The following DHRS4 variants were observed in gnomAD, a reference collection of about 807,000 sequenced individuals.
DHRS4 encodes dehydrogenase/reductase SDR family member 4.
DHRS4 carries 20 observed loss-of-function variants against 28.4 expected under a neutral mutation model. The ratio of observed to expected loss-of-function variants is 0.71; its 90% CI spans 0.50 to 1.02. DHRS4 has a LOEUF of 1.02. DHRS4 is among the 50% of genes least tolerant of loss of function. The probability of loss-of-function intolerance (pLI) is 0.00; values close to 1 mark genes in which losing one functional copy is unlikely to be tolerated. For missense variants in DHRS4, 378 were observed against 367.2 expected, an observed-to-expected ratio of 1.03 and a Z score of -0.24; for synonymous variants, 144 against 146.4, an observed-to-expected ratio of 0.98 and a Z score of 0.12.
rs781344264 is a variant in DHRS4 at position 23,967,190 on chromosome 14, A to C, written c.667-21A>C. 1.3e-5 allele frequency: 21 copies of C among 1,602,710 alleles called. 1 individual carries two copies. The African/African-American group carries it at 2.6e-4, about 20-fold the overall frequency. On this transcript the variant is annotated intron_variant, in intron 6 of 7. Transcript: ENST00000313250. ...AGAAAAAGAAAAAAAAAACATAAAG[A>C]GATTTCCCTTCTTCCTGCAGCTCTG... is the stretch of plus-strand genomic sequence containing the variant.
Position 23,959,989 on chromosome 14 carries a change from G to A in DHRS4, c.394G>A (p.Glu132Lys). ...TGGAAGCATAATGGATGTCACTGAG[G>A]AGGTGTGGGACAAGGTGAGAGGGGA... ...FFGSIMDVTE[E>K]VWDKTLDINV... is the part of the protein sequence containing the mutation. Residue 132 changes from glutamate to lysine, a missense_variant, in exon 3 of 8, where the codon GAG becomes AAG. Coordinates refer to ENST00000313250, the MANE Select transcript of DHRS4 (RefSeq NM_021004.4). 1 of 1,611,262 alleles carries A rather than the reference G, an allele frequency of 6.2e-7. No homozygotes were observed. Among genetic ancestry groups the A allele is most frequent in the Non-Finnish European group, 8.5e-7 (1 of 1,179,698 alleles).
intron 1 of DHRS4, among the ~76,000 whole-genome samples, 154 bp from the exon 2 acceptor site, chr14:23,954,881 C>G (rs1432703848): frequency 6.6e-6 from 1 of 152,214 alleles, no homozygotes; most frequent in East Asian, 1.9e-4. Flanking sequence ...AATGGCCATG[C>G]CATTAAGCCT....
intron 7 of DHRS4, 68 bp from the exon 8 acceptor site, chr14:23,968,689 T>A (rs368123993): frequency 1.5e-5 from 24 of 1,581,438 alleles, no homozygotes; most frequent in Non-Finnish European, 2.0e-5. Context: ...TTTAACTCCC[T>A]GTGTCCCAGG....
intron 3 of DHRS4, among the ~76,000 whole-genome samples, 172 bp downstream of exon 3, chr14:23,960,175 A>G (rs535993499): frequency 6.6e-6 from 1 of 151,914 alleles, no homozygotes; most frequent in Non-Finnish European, 1.5e-5. Flanking sequence ...GGGTGGCTCT[A>G]TCCCTGCCCT....
intron 3 of DHRS4, among the ~76,000 whole-genome samples, chr14:23,962,514 G>A (rs1367300594): frequency 8.6e-5 from 13 of 151,690 alleles, no homozygotes; most frequent in African/African-American, 9.7e-5. Context: ...TTGCTTATCC[G>A]TAAGAACCAG....
At chr14:23,955,300 C>G (rs1340769349) in intron 2 of DHRS4, 88 bp downstream of exon 2, 3 of 1,478,574 alleles carry the variant, frequency 2.0e-6, no homozygotes, top group Non-Finnish European at 2.7e-6. Context: ...GACAGCAGCA[C>G]ATTTTTACTG....
At chr14:23,957,510 T>A (rs747101744) in intron 2 of DHRS4, among the ~76,000 whole-genome samples, 2 of 151,880 alleles carry the variant, frequency 1.3e-5, no homozygotes. Context: ...TCCTAACCGC[T>A]TTGGTGTAGT....
intron 1 of DHRS4, 164 bp downstream of exon 1, chr14:23,954,080 C>T: frequency 1.7e-6 from 2 of 1,168,278 alleles, no homozygotes; most frequent in East Asian, 2.6e-5. Flanking sequence ...ACTCCGAATC[C>T]CCTAGCCCTG....
At chr14:23,966,144 G>A (rs1480243091) in intron 5 of DHRS4, 139 bp from the exon 6 acceptor site, 3 of 1,584,510 alleles carry the variant, frequency 1.9e-6, no homozygotes, top group African/African-American at 2.7e-5. Flanking sequence ...ACCTAGGGGA[G>A]GTTTAGCCAC....
At chr14:23,956,006 G>A (rs1433871141) in intron 2 of DHRS4, among the ~76,000 whole-genome samples, 2 of 152,234 alleles carry the variant, frequency 1.3e-5, no homozygotes, top group East Asian at 3.8e-4. Context: ...TCTGCTAACA[G>A]ATTGGAAGGT....
chr14:23,954,965 T>A (rs1268532211), intron 1 of DHRS4, 70 bp from the exon 2 acceptor site: 1 of 1,597,548 alleles, frequency 6.3e-7, no homozygotes, highest in African/African-American at 1.4e-5. Flanking sequence ...CAGTCTTAAC[T>A]TCAGAGCTCA....
intron 2 of DHRS4, among the ~76,000 whole-genome samples, chr14:23,956,649 G>T (rs1348989239): frequency 1.4e-5 from 2 of 144,472 alleles, no homozygotes; most frequent in Non-Finnish European, 3.0e-5. Context: ...TTGTTGCCCA[G>T]GCTGAAGTGA....
At chr14:23,964,220 TAAAAAAAAA>T (rs71119059) in intron 3 of DHRS4, among the ~76,000 whole-genome samples, 986 of 34,384 alleles carry the variant, frequency 0.029, 81 homozygotes, top group Non-Finnish European at 0.033. Context: ...CTGCAATTTG[TAAAAAAAAA>T]AAAAAAAAAA....
rs771596110 is a variant in DHRS4, at chr14:23,967,303, G to A, written c.722+37G>A. The stretch of plus-strand genomic sequence containing the variant: ...TGAGGGCAAGGGCACTAAGAGACAT[G>A]AAGATGGGAAGGTCTGGTCCCTAGC... On this transcript the variant is annotated intron_variant, in intron 7 of 7. Transcript: ENST00000313250. The A allele has an allele frequency of 5.0e-6, 8 of 1,601,222 alleles. No individual in the cohort carries two copies. The East Asian group carries it at 1.4e-4, about 27-fold the overall frequency.
chr14:23,955,892 T>C (rs1236599742), intron 2 of DHRS4, among the ~76,000 whole-genome samples: 2 of 152,212 alleles, frequency 1.3e-5, no homozygotes, highest in African/African-American at 4.8e-5. Context: ...GAAGCAAATA[T>C]GAAGCATTCA....
intron 6 of DHRS4, among the ~76,000 whole-genome samples, chr14:23,966,898 G>A (rs1306529249): frequency 5.3e-5 from 8 of 152,254 alleles, no homozygotes; most frequent in Admixed American, 5.2e-4. Context: ...GCTCATGCCT[G>A]TAATCCCAGC....
chr14:23,954,371 A>G (rs1225628252), intron 1 of DHRS4, among the ~76,000 whole-genome samples: 3 of 152,118 alleles, frequency 2.0e-5, no homozygotes, highest in Admixed American at 1.3e-4. Flanking sequence ...CACCAGAGCC[A>G]TATGTCGAGA....
chr14:23,966,069 C>G (rs2033604455), intron 5 of DHRS4, 86 bp downstream of exon 5: 1 of 1,605,436 alleles, frequency 6.2e-7, no homozygotes, highest in African/African-American at 1.3e-5. Context: ...AGTTTGTGTC[C>G]CCTTGTAGAA....
At position 23,960,261 on chromosome 14, in the gene DHRS4, C is replaced by T. The variant is rs775559300; in HGVS notation, c.408+258C>T. 1.2e-4 allele frequency among the ~76,000 whole-genome samples: 19 copies of T among 152,046 alleles called. 1 individual carries two copies. The highest frequency in any genetic ancestry group is 2.2e-4 in the Non-Finnish European group (15 of 68,024). On this transcript the variant is annotated intron_variant, in intron 3 of 7. Coordinates refer to ENST00000313250, the MANE Select transcript of DHRS4 (RefSeq NM_021004.4). Reference sequence around the variant, plus strand: ...ACTAGCCACAGTCTGCTCCTCTCCCCAGGCTTTTTCCCTGGCATGCTCTTC... The same window carrying T: ...ACTAGCCACAGTCTGCTCCTCTCCCTAGGCTTTTTCCCTGGCATGCTCTTC...
Sources: gnomAD v4.1 joint callset for allele counts (sites outside exome capture counted in the v4.1 genomes callset) on GRCh38, gnomAD v4.1.1 for gene constraint, MANE v1.5 for transcripts, NCBI Gene and HGNC (gene_info 2026-07-23, HGNC 2026-07-21) for gene names.